The following DSCAM variants were observed in gnomAD, a reference collection of about 807,000 sequenced individuals.
The protein encoded by DSCAM is cell adhesion molecule DSCAM.
In DSCAM, 47 loss-of-function variants were observed where a neutral mutation model predicts 217.7. The observed-to-expected ratio is 0.22, with a 90% CI of 0.17 to 0.28. DSCAM has a LOEUF of 0.28. Among genes scored for constraint, DSCAM ranks in the 10% least tolerant of loss-of-function variants. The pLI is 1.00. For missense variants in DSCAM, 2,080 were observed against 2,618.3 expected, an observed-to-expected ratio of 0.79 and a Z score of 4.49; for synonymous variants, 1,056 against 1,015.3, an observed-to-expected ratio of 1.04 and a Z score of -0.76.
intron 3 of DSCAM, among the ~76,000 whole-genome samples, chr21:40,650,944 C>T (rs1380880132): frequency 6.6e-6 from 1 of 152,056 alleles, no homozygotes; most frequent in Non-Finnish European, 1.5e-5. Context: ...AAAGGTGGAG[C>T]CTGGAGAGTG....
intron 11 of DSCAM, among the ~76,000 whole-genome samples, chr21:40,212,041 C>T (rs1422967917): frequency 6.6e-6 from 1 of 151,796 alleles, no homozygotes; most frequent in Non-Finnish European, 1.5e-5. Context: ...CCAATCTCTG[C>T]TCTCTGCAGC....
chr21:40,153,641 T>G (rs2090447431), intron 16 of DSCAM, among the ~76,000 whole-genome samples: 1 of 152,048 alleles, frequency 6.6e-6, no homozygotes, highest in Non-Finnish European at 1.5e-5. Flanking sequence ...ACCAGCAACA[T>G]CCACATCACC....
At chr21:40,125,934 A>C (rs531644609) in intron 19 of DSCAM, among the ~76,000 whole-genome samples, 1 of 152,222 alleles carries the variant, frequency 6.6e-6, no homozygotes, top group Non-Finnish European at 1.5e-5. Flanking sequence ...TGTTCACCAC[A>C]GTGAACATTC....
chr21:40,831,959 T>C (rs997917669), intron 1 of DSCAM, among the ~76,000 whole-genome samples: 1 of 152,254 alleles, frequency 6.6e-6, no homozygotes, highest in Non-Finnish European at 1.5e-5. Context: ...AATGAATGAA[T>C]GTGGCTTGAT....
At position 40,148,316 on chromosome 21, in the gene DSCAM, G is replaced by A. The variant is rs529766789; in HGVS notation, c.3019-3585C>T. ...TATACTTTCAGTTTCATAGCTTGCA[G>A]GTCCCCAAACTATAAGGTTTAAAAA... On this transcript the variant is annotated intron_variant, in intron 16 of 32. Coordinates refer to ENST00000400454, the MANE Select transcript of DSCAM (RefSeq NM_001389.5). 2.1e-3 allele frequency among the ~76,000 whole-genome samples: 327 copies of A among 152,164 alleles called. 2 individuals carry two copies. Among genetic ancestry groups the A allele is most frequent in the African/African-American group, 7.6e-3 (315 of 41,516 alleles).
intron 14 of DSCAM, among the ~76,000 whole-genome samples, chr21:40,183,772 TTC>T (rs1452469670): frequency 2.6e-5 from 4 of 152,354 alleles, no homozygotes; most frequent in East Asian, 3.9e-4. Flanking sequence ...CTTGCAGAAG[TTC>T]TTTCTGTTAC....
chr21:40,400,589 AC>A (rs1040163985), intron 3 of DSCAM, among the ~76,000 whole-genome samples: 8 of 152,250 alleles, frequency 5.3e-5, no homozygotes, highest in Middle Eastern at 6.8e-3. Context: ...TAATTTAAAA[AC>A]TTTTGTTGTA....
chr21:40,231,124 GTTT>G (rs11367532), intron 11 of DSCAM, among the ~76,000 whole-genome samples: 4 of 137,628 alleles, frequency 2.9e-5, no homozygotes, highest in African/African-American at 5.5e-5. Flanking sequence ...TCTGGAAGAG[GTTT>G]TTTTTTTTTT....
chr21:40,577,000 TAAAA>T (rs59503954), intron 3 of DSCAM, among the ~76,000 whole-genome samples: 4 of 140,230 alleles, frequency 2.9e-5, no homozygotes, highest in African/African-American at 5.1e-5. Flanking sequence ...AACAATAAAA[TAAAA>T]AAAAAAATAA....
intron 19 of DSCAM, among the ~76,000 whole-genome samples, chr21:40,132,550 C>T (rs1487443215): frequency 1.3e-5 from 2 of 152,176 alleles, no homozygotes; most frequent in Non-Finnish European, 2.9e-5. Context: ...GAAGGACTAC[C>T]TGTGCATTTT....
rs368872994 is a variant in DSCAM, at chr21:40,383,062, C to T, written c.509-13817G>A. The stretch of plus-strand genomic sequence containing the variant: ...ATGATATATCTGGCTGGGCAGGTCA[C>T]TCATGCCTGTAATCCCAGCACTTTG... On this transcript the variant is annotated intron_variant, in intron 3 of 32. Transcript: ENST00000400454. 3.3e-5 allele frequency: 5 copies of T among 152,414 alleles called. No homozygotes were observed. In the South Asian group the frequency reaches 6.2e-4, roughly 19 times the overall value. The allele number at this position is 152,414 out of a possible 1,614,324, so 9.4% of individuals were successfully genotyped here.
chr21:40,181,923 T>C (rs888934880), intron 14 of DSCAM, among the ~76,000 whole-genome samples: 2 of 151,796 alleles, frequency 1.3e-5, no homozygotes, highest in Non-Finnish European at 2.9e-5. Flanking sequence ...CCAGGGAGAC[T>C]GGTGGTGTAG....
rs1203249251 is a variant in DSCAM at position 40,846,764 on chromosome 21, G to GCCGC, written c.-107_-104dup. ...GCCGCTCGGCACCTGCCCGGGGGCC[G>GCCGC]CCGCCCGCCCGCCGCCCGCCGCCGC... On this transcript the variant is annotated 5_prime_UTR_variant, in exon 1 of 33. Transcript: ENST00000400454. 3 of 453,064 alleles carry GCCGC rather than the reference G, an allele frequency of 6.6e-6. No homozygotes were observed. Among genetic ancestry groups the GCCGC allele is most frequent in the Non-Finnish European group, 8.7e-6 (3 of 345,992 alleles). 28.1% of individuals were successfully genotyped at this position (453,064 alleles called of 1,614,324 possible).
intron 3 of DSCAM, among the ~76,000 whole-genome samples, chr21:40,597,763 C>T (rs2077033013): frequency 6.6e-6 from 1 of 152,148 alleles, no homozygotes; most frequent in Admixed American, 6.5e-5. Flanking sequence ...CCATCCGCCT[C>T]AGTCTCCCAA....
chr21:40,740,075 T>C (rs1234406581), intron 1 of DSCAM, among the ~76,000 whole-genome samples: 1 of 146,268 alleles, frequency 6.8e-6, no homozygotes, highest in Non-Finnish European at 1.5e-5. Context: ...GCAGAGGAAA[T>C]GCCTGGAGCT....
At chr21:40,102,621 C>A (rs2089767180) in intron 20 of DSCAM, among the ~76,000 whole-genome samples, 2 of 152,146 alleles carry the variant, frequency 1.3e-5, no homozygotes. Context: ...TAATATTTTT[C>A]TTTTCATGTG....
In DSCAM at chr21:40,189,108, G is replaced by T. The variant is rs938670617; in HGVS notation, c.2487C>A (p.Asn829Lys). 1.2e-6 allele frequency: 2 copies of T among 1,614,120 alleles called. No individual in the cohort carries two copies. Among genetic ancestry groups the T allele is most frequent in the East Asian group, 2.2e-5 (1 of 44,872 alleles). Residue 829 changes from asparagine to lysine, a missense_variant, in exon 12 of 33, where the codon AAC (asparagine) becomes AAA (lysine). Around this residue, in one of 5 missense-constraint regions of DSCAM, gnomAD observed 1,144 missense variants for 1,421.1 expected, o/e 0.81. Coordinates refer to ENST00000400454, the MANE Select transcript of DSCAM (RefSeq NM_001389.5). ...VRWEKEDRII[N>K]PEMARYLVST... ...ACACAAGATAACGGGCCATCTCAGG[G>T]TTAATGATTCGGTCCTCCTTCTCCC... is the stretch of plus-strand genomic sequence containing the variant.
In DSCAM at chr21:40,087,193, A is replaced by C; in HGVS notation, c.3945T>G (p.Pro1315=). ...ACCTGTCTTTCATCCATTTGACTGC[A>C]GGAGAAGGGTCCCCAACAGCCTTAC... ...LPCKAVGDPS[P]AVKWMKDSNG... is the part of the protein sequence containing the mutation. Residue 1315 remains proline, a synonymous_variant, in exon 22 of 33, where the codon CCT becomes CCG. Transcript: ENST00000400454. The C allele has an allele frequency of 1.2e-6, 2 of 1,613,938 alleles. No individual in the cohort carries two copies. Among genetic ancestry groups the C allele is most frequent in the African/African-American group, 1.3e-5 (1 of 75,052 alleles).
At chr21:40,696,313 G>C (rs2090594590) in intron 2 of DSCAM, among the ~76,000 whole-genome samples, 1 of 152,168 alleles carries the variant, frequency 6.6e-6, no homozygotes, top group Non-Finnish European at 1.5e-5. Context: ...ACCCCAAAAG[G>C]AGGAGCTGGG....
Sources: gnomAD v4.1 joint callset for allele counts (sites outside exome capture counted in the v4.1 genomes callset) on GRCh38, gnomAD v4.1.1 for gene constraint, gnomAD v4.1.1 regional missense constraint, MANE v1.5 for transcripts, NCBI Gene and HGNC (gene_info 2026-07-23, HGNC 2026-07-21) for gene names.